Variants in PALS2 observed in about 807,000 individuals in gnomAD.
PALS2 encodes the protein protein associated with LIN7 2, MAGUK p55 family member.
PALS2 carries 27 observed loss-of-function variants against 61.6 expected under a neutral mutation model. That is an observed-to-expected ratio of 0.44 (90% CI 0.32 to 0.60). PALS2 has a LOEUF of 0.60. Ranked by LOEUF, PALS2 falls within the 20% of genes least tolerant of loss-of-function variation. The pLI is 0.05. For missense variants in PALS2, 554 were observed against 639.4 expected, an observed-to-expected ratio of 0.87 and a Z score of 1.44; for synonymous variants, 236 against 218.6, an observed-to-expected ratio of 1.08 and a Z score of -0.70.
In PALS2 at chr7:24,618,977, A is replaced by G. The variant is rs1469028202; in HGVS notation, c.-2-4689A>G. On this transcript the variant is annotated intron_variant, in intron 1 of 11. Transcript: ENST00000222644. This position sits in a 1 kb window ranked among gnomAD's most constrained non-coding sequence, Gnocchi z 5.1. Reference sequence around the variant, plus strand: ...TCGTGTCTTGTCTTTTTTTGATTAGACTAGCCAAGTATTTGTCTATTTAAT... The same window carrying G: ...TCGTGTCTTGTCTTTTTTTGATTAGGCTAGCCAAGTATTTGTCTATTTAAT... Among the ~76,000 whole-genome samples the G allele has an allele frequency of 6.6e-6, 1 of 152,188 alleles. No individual in the cohort carries two copies. The highest frequency in any genetic ancestry group is 1.5e-5 in the Non-Finnish European group (1 of 68,028).
At chr7:24,646,061 A>T (rs975251797) in intron 3 of PALS2, among the ~76,000 whole-genome samples, 1 of 152,038 alleles carries the variant, frequency 6.6e-6, no homozygotes, top group Non-Finnish European at 1.5e-5. Flanking sequence ...GGCTGAGACT[A>T]TGGGGTTTTC....
rs765061755 is a variant in PALS2, at chr7:24,680,532, A to G, written c.1446+12A>G. The G allele has an allele frequency of 1.2e-6, 2 of 1,604,082 alleles. No homozygotes were observed. The highest frequency in any genetic ancestry group is 1.7e-6 in the Non-Finnish European group (2 of 1,175,780). ...CCAAGCTTCTGACCGTGAGCTAACCATACGATTTTCCTTCTAAAATCTTTC... is the reference window on the plus strand; with the variant it reads ...CCAAGCTTCTGACCGTGAGCTAACCGTACGATTTTCCTTCTAAAATCTTTC... On this transcript the variant is annotated intron_variant, in intron 11 of 11. Transcript: ENST00000222644.
intron 1 of PALS2, among the ~76,000 whole-genome samples, chr7:24,609,365 C>G (rs1288133799): frequency 6.6e-6 from 1 of 152,084 alleles, no homozygotes; most frequent in Admixed American, 6.6e-5. Flanking sequence ...AGGCAGAGAG[C>G]AGGTGGGAGC....
chr7:24,619,969 T>C (rs1784434239), intron 1 of PALS2: 1 of 152,102 alleles, frequency 6.6e-6, no homozygotes, highest in East Asian at 1.9e-4. Flanking sequence ...TTTTATATAT[T>C]AAGTTTTTAC....
At chr7:24,640,794 G>T (rs1436295760) in intron 2 of PALS2, among the ~76,000 whole-genome samples, 4 of 151,958 alleles carry the variant, frequency 2.6e-5, no homozygotes, top group Admixed American at 6.6e-5. Context: ...GGATCACGAG[G>T]TCAGGAGATC....
chr7:24,584,969 T>C (rs1783001697), intron 1 of PALS2, among the ~76,000 whole-genome samples: 2 of 151,726 alleles, frequency 1.3e-5, no homozygotes, highest in Admixed American at 6.5e-5. Flanking sequence ...GATCAGATAG[T>C]TGTAGATATG....
intron 1 of PALS2, among the ~76,000 whole-genome samples, chr7:24,615,415 A>T (rs746110382): frequency 6.6e-6 from 1 of 152,000 alleles, no homozygotes; most frequent in Non-Finnish European, 1.5e-5. Context: ...GTCATAACTG[A>T]TATTACAGAA....
At chr7:24,675,632 A>G (rs1473666121) in intron 9 of PALS2, among the ~76,000 whole-genome samples, 1 of 142,244 alleles carries the variant, frequency 7.0e-6, no homozygotes, top group Non-Finnish European at 1.5e-5. Flanking sequence ...ATGAGTGAGA[A>G]TATGCGGTGT....
chr7:24,652,494 G>A (rs531539945), intron 5 of PALS2, among the ~76,000 whole-genome samples: 1 of 152,182 alleles, frequency 6.6e-6, no homozygotes, highest in Admixed American at 6.5e-5. Context: ...GAGAGGAGGA[G>A]TCTTATAAGT....
intron 2 of PALS2, among the ~76,000 whole-genome samples, chr7:24,634,071 C>T (rs900343537): frequency 6.6e-6 from 1 of 151,476 alleles, no homozygotes; most frequent in African/African-American, 2.4e-5. Flanking sequence ...TAAATTGAGT[C>T]ATATTTATTT....
intron 2 of PALS2, among the ~76,000 whole-genome samples, chr7:24,632,373 C>T (rs528661207): frequency 7.9e-5 from 12 of 152,114 alleles, no homozygotes; most frequent in Non-Finnish European, 1.5e-4. Flanking sequence ...ACATGTAATT[C>T]GATCTTTTTT....
At chr7:24,652,836 C>T (rs952904624) in intron 5 of PALS2, among the ~76,000 whole-genome samples, 19 of 152,262 alleles carry the variant, frequency 1.2e-4, no homozygotes, top group African/African-American at 4.6e-4. Context: ...TTTTCAAAAG[C>T]ATAGTCAGTA....
chr7:24,574,997 C>T (rs1280811609), intron 1 of PALS2, among the ~76,000 whole-genome samples: 1 of 152,062 alleles, frequency 6.6e-6, no homozygotes, highest in Non-Finnish European at 1.5e-5. Context: ...AAACAAAGAA[C>T]TTTTGTGGGT....
rs374238146 is a variant in PALS2, at chr7:24,676,947, G to A, written c.1115-2184G>A. Among the ~76,000 whole-genome samples the A allele has an allele frequency of 2.2e-3, 335 of 151,030 alleles. 9 individuals are homozygous for A. The highest frequency in any genetic ancestry group is 7.6e-3 in the African/African-American group (306 of 40,396). On this transcript the variant is annotated intron_variant, in intron 9 of 11. Coordinates refer to ENST00000222644, the MANE Select transcript of PALS2 (RefSeq NM_001303037.2). Reference sequence around the variant, plus strand: ...GGTAGCTTGATGGGGATGGCATTGAGTCTGTAAATTACCTTGGGCAGTATG... The same window carrying A: ...GGTAGCTTGATGGGGATGGCATTGAATCTGTAAATTACCTTGGGCAGTATG...
In PALS2 at chr7:24,634,768, T is replaced by A. The variant is rs766628414; in HGVS notation, c.118-6948T>A. ...ACCAACTTCTGTCTTTTACATGTGC[T>A]TCTCTAGTCCATTTGTTGGACTTTC... On this transcript the variant is annotated intron_variant, in intron 2 of 11. Coordinates refer to ENST00000222644, the MANE Select transcript of PALS2 (RefSeq NM_001303037.2). 2.6e-5 allele frequency among the ~76,000 whole-genome samples: 4 copies of A among 152,302 alleles called. No homozygotes were observed. The South Asian group carries it at 8.3e-4, about 32-fold the overall frequency.
chr7:24,603,532 G>A (rs971782194), intron 1 of PALS2, among the ~76,000 whole-genome samples: 2 of 152,146 alleles, frequency 1.3e-5, no homozygotes, highest in African/African-American at 4.8e-5. Flanking sequence ...AAGCTGATGG[G>A]GACTTGACAA....
intron 2 of PALS2, among the ~76,000 whole-genome samples, chr7:24,627,056 A>G (rs1347284715): frequency 2.0e-5 from 3 of 152,224 alleles, no homozygotes; most frequent in Non-Finnish European, 4.4e-5. Flanking sequence ...CCCCAAATCA[A>G]CAGAATATAC....
intron 1 of PALS2, among the ~76,000 whole-genome samples, chr7:24,595,904 G>A (rs925629775): frequency 6.6e-6 from 1 of 151,730 alleles, no homozygotes; most frequent in African/African-American, 2.4e-5. Flanking sequence ...AGATGGTAAA[G>A]ATGGGAAATG....
chr7:24,679,363 A>C, intron 10 of PALS2, 30 bp downstream of exon 10: 1 of 1,604,212 alleles, frequency 6.2e-7, no homozygotes, highest in Admixed American at 1.7e-5. Context: ...AAGCTGTTTT[A>C]TATTTTATTT....
Sources: allele counts gnomAD v4.1 joint callset (sites outside exome capture counted in the v4.1 genomes callset), GRCh38; gene constraint gnomAD v4.1.1; non-coding constraint Gnocchi (gnomAD v3.1); transcripts MANE v1.5; gene names NCBI Gene and HGNC (gene_info 2026-07-23, HGNC 2026-07-21).